Variants in MEF2C observed in about 807,000 individuals in gnomAD.
The protein encoded by MEF2C is myocyte-specific enhancer factor 2C.
Under a neutral mutation model 50.5 loss-of-function variants are expected in MEF2C, and 6 were observed. The ratio of observed to expected loss-of-function variants is 0.12; its 90% CI spans 0.07 to 0.23. The LOEUF (loss-of-function observed/expected upper bound fraction) is 0.23. Among genes scored for constraint, MEF2C ranks in the 10% least tolerant of loss-of-function variants. The pLI is 1.00. For synonymous variants in MEF2C, 183 were observed against 228.0 expected (o/e 0.80, Z 1.78); for missense variants, 276 against 605.0 (o/e 0.46, Z 5.70).
intron 1 of MEF2C, among the ~76,000 whole-genome samples, chr5:88,893,923 G>A (rs891493451): frequency 2.0e-5 from 3 of 151,974 alleles, no homozygotes; most frequent in East Asian, 1.9e-4. Context: ...GATTTCCTAC[G>A]GACTATTACT....
At chr5:88,743,426 A>G (rs1767806844) in intron 6 of MEF2C, 2 of 985,240 alleles carry the variant, frequency 2.0e-6, no homozygotes, top group African/African-American at 1.7e-5. Context: ...TTGCAAAACA[A>G]TGGTGCTGGT....
chr5:88,881,778 C>G (rs1476987176), intron 1 of MEF2C, among the ~76,000 whole-genome samples: 3 of 147,834 alleles, frequency 2.0e-5, no homozygotes, highest in African/African-American at 7.6e-5. Context: ...TCCTTTATAG[C>G]ACTTAGAAAT....
intron 1 of MEF2C, among the ~76,000 whole-genome samples, chr5:88,903,365 G>A (rs1445303878): frequency 1.3e-4 from 20 of 151,706 alleles, no homozygotes; most frequent in African/African-American, 4.3e-4. Flanking sequence ...TATTAAACAT[G>A]CAATATATTT....
intron 3 of MEF2C, among the ~76,000 whole-genome samples, chr5:88,789,692 A>AT (rs955808468): frequency 6.6e-6 from 1 of 151,954 alleles, no homozygotes; most frequent in Admixed American, 6.6e-5. Flanking sequence ...TTGACAGAGA[A>AT]TTTTTTTTCT....
At chr5:88,788,199 T>TTTATTTCA (rs1791958704) in intron 3 of MEF2C, among the ~76,000 whole-genome samples, 1 of 151,094 alleles carries the variant, frequency 6.6e-6, no homozygotes, top group Non-Finnish European at 1.5e-5. Flanking sequence ...TATTTATTTA[T>TTTATTTCA]TTATTTATTT....
rs577092747 is a variant in MEF2C at position 88,898,299 on chromosome 5, G to T, written c.-240+5617C>A. Among the ~76,000 whole-genome samples the T allele has an allele frequency of 2.6e-5, 4 of 152,242 alleles. No individual in the cohort carries two copies. The East Asian group carries it at 7.7e-4, about 29-fold the overall frequency. The stretch of plus-strand genomic sequence containing the variant: ...GGAAACCTAATTATCTCAAATTTCT[G>T]TACAATTCTTCATCTTTACTTAATT... On this transcript the variant is annotated intron_variant, in intron 1 of 11. Coordinates refer to the MEF2C transcript ENST00000340208.
At chr5:88,887,220 T>C (rs1400753043), upstream of MEF2C, among the ~76,000 whole-genome samples, 3 of 152,236 alleles carry the variant, frequency 2.0e-5, no homozygotes, top group Non-Finnish European at 4.4e-5. Flanking sequence ...CATTACATAT[T>C]TTAATCTTTG....
intron 1 of MEF2C, among the ~76,000 whole-genome samples, chr5:88,874,391 T>C (rs941011663): frequency 2.0e-5 from 3 of 151,954 alleles, no homozygotes; most frequent in African/African-American, 7.2e-5. Flanking sequence ...GAAGCATAGT[T>C]TTAATTTGAA....
At chr5:88,856,119 G>A (rs1215966283) in intron 1 of MEF2C, among the ~76,000 whole-genome samples, 2 of 152,176 alleles carry the variant, frequency 1.3e-5, no homozygotes, top group Non-Finnish European at 2.9e-5. Flanking sequence ...AAACTTGTTG[G>A]GAACTGGTGT....
At chr5:88,735,276 T>G (rs1431404791) in intron 6 of MEF2C, 1 of 985,286 alleles carries the variant, frequency 1.0e-6, no homozygotes, top group Non-Finnish European at 1.2e-6. Flanking sequence ...ATGGTCGCAT[T>G]TAAATTCAGG....
intron 1 of MEF2C, chr5:88,838,547 G>A: frequency 1.0e-6 from 1 of 984,490 alleles, no homozygotes; most frequent in Non-Finnish European, 1.2e-6. Flanking sequence ...ATGAAGTTAA[G>A]AATTACACAG....
rs1443067175 is a variant in MEF2C, at chr5:88,722,655, C to T, written c.1371G>A (p.Arg457=). Residue 457 remains arginine (R), a synonymous_variant, in exon 11 of 11, where the codon AGG becomes AGA. Transcript: ENST00000504921. ...IGLTRPSPDE[R]ESPSVKRMRL... ...GCATGCGCTTGACTGAGGGACTTTC[C>T]CTTTCGTCCGGCGAAGGTCTGGTGA... The T allele has an allele frequency of 6.2e-7, 1 of 1,613,790 alleles. No individual in the cohort carries two copies. Among genetic ancestry groups the T allele is most frequent in the South Asian group, 1.1e-5 (1 of 91,068 alleles).
intron 3 of MEF2C, chr5:88,782,025 TTTTGA>T: frequency 1.8e-6 from 1 of 571,416 alleles, no homozygotes; most frequent in Non-Finnish European, 2.2e-6. Flanking sequence ...AAGGAGGATC[TTTTGA>T]TCCCAGGAGT....
At chr5:88,729,488 A>T (rs187717953) in intron 8 of MEF2C, 141 bp from the exon 9 acceptor site, 355 of 768,812 alleles carry the variant, frequency 4.6e-4, no homozygotes, top group Non-Finnish European at 6.4e-4. Context: ...GTCTCTATGA[A>T]CTCTGCCAAC....
chr5:88,806,796 G>A (rs1800628934), intron 2 of MEF2C, among the ~76,000 whole-genome samples: 1 of 150,126 alleles, frequency 6.7e-6, no homozygotes, highest in African/African-American at 2.5e-5. Context: ...ATACAAAACT[G>A]TTTATATTTT....
At chr5:88,805,913 C>T (rs1426656579) in intron 2 of MEF2C, among the ~76,000 whole-genome samples, 1 of 135,248 alleles carries the variant, frequency 7.4e-6, no homozygotes, top group Non-Finnish European at 1.5e-5. Context: ...GAATGAATAC[C>T]TGTTTCCCAA....
chr5:88,837,649 C>T (rs924239922), intron 1 of MEF2C, among the ~76,000 whole-genome samples: 6 of 151,984 alleles, frequency 3.9e-5, no homozygotes, highest in Admixed American at 1.3e-4. Flanking sequence ...CAAAACAAAA[C>T]AAAAATGAGG....
At position 88,749,055 on chromosome 5, in the gene MEF2C, G is replaced by A. The variant is rs1278222982; in HGVS notation, c.637+15C>T. 1 of 1,567,164 alleles carries A rather than the reference G, an allele frequency of 6.4e-7. No individual in the cohort carries two copies. Among genetic ancestry groups the A allele is most frequent in the East Asian group, 2.4e-5 (1 of 42,484 alleles). On this transcript the variant is annotated intron_variant, in intron 6 of 10. Coordinates refer to ENST00000504921, the MANE Select transcript of MEF2C (RefSeq NM_002397.5). ...AGAACAATGATACATACTGCAGTAT[G>A]GAGTCTGGGCTTACCTGCACTGGTG...
intron 1 of MEF2C, among the ~76,000 whole-genome samples, chr5:88,867,811 G>T (rs753248461): frequency 2.0e-5 from 3 of 152,148 alleles, no homozygotes; most frequent in Non-Finnish European, 4.4e-5. Flanking sequence ...AAACCAACTG[G>T]TCAACATATG....
Sources: gnomAD v4.1 joint callset for allele counts (sites outside exome capture counted in the v4.1 genomes callset) on GRCh38, gnomAD v4.1.1 for gene constraint, MANE v1.5 for transcripts, NCBI Gene and HGNC (gene_info 2026-07-23, HGNC 2026-07-21) for gene names.